The following ABITRAM variants were observed in gnomAD, a reference collection of about 807,000 sequenced individuals.
ABITRAM encodes the protein actin binding transcription modulator.
ABITRAM carries 19 observed loss-of-function variants against 22.9 expected under a neutral mutation model. The observed-to-expected ratio is 0.83, with a 90% CI of 0.58 to 1.22. The LOEUF is 1.22. ABITRAM is among the 50% of genes most tolerant of loss of function. ABITRAM has a pLI of 0.00. For missense variants in ABITRAM, 215 were observed against 220.2 expected (o/e 0.98, Z 0.15); for synonymous variants, 70 against 73.9 (o/e 0.95, Z 0.27).
In ABITRAM at chr9:108,934,456, G is replaced by A. The variant is rs764425678; in HGVS notation, c.-31G>A. 1 of 1,575,278 alleles carries A rather than the reference G, an allele frequency of 6.3e-7. No individual in the cohort carries two copies. Among genetic ancestry groups the A allele is most frequent in the Admixed American group, 1.8e-5 (1 of 55,468 alleles). ...GCGCGGAGGAAGCGCTGGGGTCCCG[G>A]AGGGCGGGGGTGGCGGCGCCGGAGG... On this transcript the variant is annotated 5_prime_UTR_variant, in exon 1 of 6. Coordinates refer to ENST00000322940, the MANE Select transcript of ABITRAM (RefSeq NM_017832.4).
chr9:108,936,715 T>G (rs1830192186), intron 3 of ABITRAM, among the ~76,000 whole-genome samples: 1 of 152,210 alleles, frequency 6.6e-6, no homozygotes, highest in African/African-American at 2.4e-5. Context: ...AGGAGAACTC[T>G]AATAGCAATA....
downstream of ABITRAM, chr9:108,944,161 C>G (rs1392452230): frequency 2.6e-6 from 2 of 756,406 alleles, no homozygotes; most frequent in Non-Finnish European, 2.1e-6. Context: ...TAAACTTTTT[C>G]CAGTACCAGG....
At chr9:108,948,457 T>A (rs1019399044) in intron 3 of ABITRAM, among the ~76,000 whole-genome samples, 3 of 152,228 alleles carry the variant, frequency 2.0e-5, no homozygotes, top group Non-Finnish European at 2.9e-5. Context: ...GTTAATTTCA[T>A]AATATAAAAA....
At chr9:108,950,411 G>T in intron 3 of ABITRAM, 1 of 1,306,684 alleles carries the variant, frequency 7.7e-7, no homozygotes, top group East Asian at 2.5e-5. Flanking sequence ...CAAAGGAATG[G>T]TCTCCAATGA....
At position 108,936,197 on chromosome 9, in the gene ABITRAM, A is replaced by G. The variant is rs891687677; in HGVS notation, c.132-111A>G. 3 of 1,200,642 alleles carry G rather than the reference A, an allele frequency of 2.5e-6. No individual in the cohort carries two copies. The African/African-American group carries it at 4.6e-5, about 18-fold the overall frequency. The allele number at this position is 1,200,642 out of a possible 1,614,324, so 74.4% of individuals were successfully genotyped here. A position where few individuals can be genotyped will look rare whatever the true frequency, so the allele number is the denominator to read the frequency against. ...AGTAGCCAAAGGAAAAAGGGGGAAG[A>G]TGATAGTTTGACTAAACAAATACCA... is the stretch of plus-strand genomic sequence containing the variant. On this transcript the variant is annotated intron_variant, in intron 2 of 5. Transcript: ENST00000322940.
intron 3 of ABITRAM, among the ~76,000 whole-genome samples, chr9:108,946,935 A>C (rs1381669979): frequency 6.6e-6 from 1 of 152,154 alleles, no homozygotes; most frequent in Non-Finnish European, 1.5e-5. Flanking sequence ...AAATAAATTC[A>C]GAATTTCAAC....
At chr9:108,942,079 G>A (rs1034877592), downstream of ABITRAM, among the ~76,000 whole-genome samples, 12 of 152,142 alleles carry the variant, frequency 7.9e-5, no homozygotes, top group Admixed American at 2.6e-4. Flanking sequence ...TAGAATCCCA[G>A]CTAATATTCA....
Position 108,939,196 on chromosome 9 carries a change from G to C in ABITRAM, c.262G>C (p.Gly88Arg). The C allele has an allele frequency of 6.2e-7, 1 of 1,613,094 alleles. No homozygotes were observed. ...QNKVSGKFKRGAQFLTELAPL... is the reference protein window; with the variant it reads ...QNKVSGKFKRRAQFLTELAPL... ...TTACTTCTTCCGTCTCATTACACAG[G>C]GGGCACAGTTTCTAACAGAGCTTGC... is the stretch of plus-strand genomic sequence containing the variant. Residue 88 changes from glycine to arginine, a missense_variant and splice_region_variant, in exon 4 of 6, where the codon GGG becomes CGG. By Grantham distance (125) the Gly-to-Arg change is moderately radical. Coordinates refer to ENST00000322940, the MANE Select transcript of ABITRAM (RefSeq NM_017832.4).
At chr9:108,939,488 C>T (rs750240454) in intron 5 of ABITRAM, 34 bp downstream of exon 5, 1 of 1,605,820 alleles carries the variant, frequency 6.2e-7, no homozygotes, top group Non-Finnish European at 8.5e-7. Context: ...ATCTCATCCA[C>T]ATACCTTTTA....
intron 3 of ABITRAM, among the ~76,000 whole-genome samples, chr9:108,938,883 C>T (rs1830222212): frequency 6.6e-6 from 1 of 152,080 alleles, no homozygotes; most frequent in Admixed American, 6.5e-5. Context: ...TGGATTTTCC[C>T]ACACTTTTGA....
chr9:108,934,819 G>A (rs1410480518), intron 1 of ABITRAM, among the ~76,000 whole-genome samples: 2 of 152,310 alleles, frequency 1.3e-5, no homozygotes, highest in East Asian at 1.9e-4. Flanking sequence ...AGTAAGATGA[G>A]TACTCTAAAC....
downstream of ABITRAM, among the ~76,000 whole-genome samples, chr9:108,942,230 C>G (rs1449322058): frequency 6.6e-6 from 1 of 152,164 alleles, no homozygotes; most frequent in African/African-American, 2.4e-5. Context: ...CAGACCCACC[C>G]TTGCTGTACA....
intron 3 of ABITRAM, among the ~76,000 whole-genome samples, chr9:108,938,826 T>C (rs1830221123): frequency 6.6e-6 from 1 of 152,208 alleles, no homozygotes; most frequent in African/African-American, 2.4e-5. Flanking sequence ...TTATACAATA[T>C]TGCTGTCATA....
At chr9:108,947,409 G>C (rs539657399) in intron 3 of ABITRAM, among the ~76,000 whole-genome samples, 1 of 152,164 alleles carries the variant, frequency 6.6e-6, no homozygotes, top group Non-Finnish European at 1.5e-5. Flanking sequence ...CACCGCGCCT[G>C]GCCTAAAGTG....
intron 3 of ABITRAM, among the ~76,000 whole-genome samples, chr9:108,946,075 C>T (rs1314869129): frequency 2.0e-5 from 3 of 151,758 alleles, no homozygotes; most frequent in South Asian, 4.2e-4. Context: ...CTGAGGCGGG[C>T]GAATCACAAG....
Position 108,935,635 on chromosome 9 carries a change from T to C in ABITRAM, c.80-3T>C. 1 of 1,610,930 alleles carries C rather than the reference T, an allele frequency of 6.2e-7. No homozygotes were observed. The highest frequency in any genetic ancestry group is 2.2e-5 in the East Asian group (1 of 44,856). On this transcript the variant is annotated splice_region_variant and splice_polypyrimidine_tract_variant and intron_variant, in intron 1 of 5. Coordinates refer to ENST00000322940, the MANE Select transcript of ABITRAM (RefSeq NM_017832.4). ...CCACCAACAGACTCATGTATTCTTC[T>C]AGATGTCAAAGGAAAATTTTGTGAG...
chr9:108,936,408 C>T lies in ABITRAM; in HGVS notation c.232C>T (p.Gln78Ter), dbSNP rs773045726. The change falls in exon 3 of 6, where the codon CAG becomes TAG. Residue 78 changes from glutamine to a stop codon, truncating the protein, a stop_gained. Coordinates refer to ENST00000322940, the MANE Select transcript of ABITRAM (RefSeq NM_017832.4). LOFTEE classifies it high-confidence loss of function. ...YQISTNCSRLQNKVSGKFKRG... is the reference protein window; with the variant it reads ...YQISTNCSRL ...GATCAGTACCAACTGTAGCAGACTT[C>T]AGAACAAGGTCTCTGGGAAATTTAA... 5.0e-6 allele frequency: 8 copies of T among 1,613,648 alleles called. No individual in the cohort carries two copies. In the Admixed American group the frequency reaches 6.7e-5, roughly 13 times the overall value.
At position 108,938,841 on chromosome 9, in the gene ABITRAM, G is replaced by A. The variant is rs181134558; in HGVS notation, c.262-355G>A. On this transcript the variant is annotated intron_variant, in intron 3 of 5. Transcript: ENST00000322940. The stretch of plus-strand genomic sequence containing the variant: ...TTATACAATATTGCTGTCATACTGT[G>A]TCATGTTGAATTTTATATTGTTTCT... Among the ~76,000 whole-genome samples the A allele has an allele frequency of 1.3e-3, 192 of 152,198 alleles. 1 individual carries two copies. The highest frequency in any genetic ancestry group is 4.3e-3 in the African/African-American group (177 of 41,542).
At chr9:108,936,901 G>A (rs1012643333) in intron 3 of ABITRAM, among the ~76,000 whole-genome samples, 1 of 151,958 alleles carries the variant, frequency 6.6e-6, no homozygotes, top group African/African-American at 2.4e-5. Flanking sequence ...AATGGCTCAC[G>A]CCTATAATCT....
Sources: gnomAD v4.1 joint callset for allele counts (sites outside exome capture counted in the v4.1 genomes callset) on GRCh38, gnomAD v4.1.1 for gene constraint, MANE v1.5 for transcripts, NCBI Gene and HGNC (gene_info 2026-07-23, HGNC 2026-07-21) for gene names.